The following AMPH variants were observed in gnomAD, a reference collection of about 807,000 sequenced individuals.
The protein encoded by AMPH is amphiphysin.
In AMPH, 49 loss-of-function variants were observed where a neutral mutation model predicts 99.1. The ratio of observed to expected loss-of-function variants is 0.49; its 90% CI spans 0.39 to 0.63. The LOEUF (loss-of-function observed/expected upper bound fraction) is 0.63, where lower values mean the gene tolerates loss of function less well. AMPH is among the 20% of genes least tolerant of loss of function. The pLI is 0.00. For synonymous variants in AMPH, 314 were observed against 317.3 expected (o/e 0.99, Z 0.11); for missense variants, 759 against 863.4 (o/e 0.88, Z 1.52).
At chr7:38,525,015 G>T (rs2129036204) in intron 2 of AMPH, among the ~76,000 whole-genome samples, 1 of 152,078 alleles carries the variant, frequency 6.6e-6, no homozygotes. Context: ...AAGTGTGTTT[G>T]TTCTGACAGA....
intron 1 of AMPH, among the ~76,000 whole-genome samples, chr7:38,587,853 G>A (rs113722800): frequency 9.9e-5 from 15 of 151,952 alleles, no homozygotes; most frequent in African/African-American, 3.1e-4. Context: ...CTCTATAATC[G>A]TGGGTGATCA....
At chr7:38,433,717 T>C (rs1295974153) in intron 12 of AMPH, among the ~76,000 whole-genome samples, 1 of 20,048 alleles carries the variant, frequency 5.0e-5, no homozygotes, top group East Asian at 2.1e-3. Flanking sequence ...AGAGCGAGAC[T>C]CCGTCTCAAA....
chr7:38,578,121 T>C (rs1792314299), intron 1 of AMPH, among the ~76,000 whole-genome samples: 2 of 152,120 alleles, frequency 1.3e-5, no homozygotes, highest in Non-Finnish European at 2.9e-5. Context: ...CCCCCAAACT[T>C]TTCCAGGAGA....
At chr7:38,400,704 T>A (rs1784817118) in intron 17 of AMPH, among the ~76,000 whole-genome samples, 2 of 152,238 alleles carry the variant, frequency 1.3e-5, no homozygotes, top group Non-Finnish European at 2.9e-5. Flanking sequence ...TGTCATGCAT[T>A]CATACATTCA....
chr7:38,429,749 C>T (rs1333126761), intron 14 of AMPH, 93 bp downstream of exon 14: 5 of 1,421,906 alleles, frequency 3.5e-6, no homozygotes, highest in Middle Eastern at 2.0e-4. Context: ...ACTAGCAATG[C>T]CATGGGGAAA....
At chr7:38,500,521 A>G (rs1221546890) in intron 3 of AMPH, among the ~76,000 whole-genome samples, 1 of 152,172 alleles carries the variant, frequency 6.6e-6, no homozygotes, top group Non-Finnish European at 1.5e-5. Flanking sequence ...ATTCTTCTAG[A>G]TCACATTAAG....
At chr7:38,553,438 C>A (rs748630725) in intron 1 of AMPH, among the ~76,000 whole-genome samples, 14 of 152,220 alleles carry the variant, frequency 9.2e-5, no homozygotes, top group Non-Finnish European at 1.9e-4. Flanking sequence ...TGCAGACAAC[C>A]ATTTTGTAGT....
chr7:38,627,711 T>C (rs1476281201), intron 1 of AMPH, among the ~76,000 whole-genome samples: 2 of 150,730 alleles, frequency 1.3e-5, no homozygotes, highest in African/African-American at 4.9e-5. Flanking sequence ...CTTTTACATA[T>C]ACATATGTAT....
chr7:38,547,784 T>C (rs1791041414), intron 1 of AMPH, among the ~76,000 whole-genome samples: 1 of 152,166 alleles, frequency 6.6e-6, no homozygotes, highest in Admixed American at 6.5e-5. Flanking sequence ...CAACTTGAGG[T>C]GGAGAAGAGG....
At chr7:38,508,416 C>T (rs1789414037) in intron 2 of AMPH, among the ~76,000 whole-genome samples, 1 of 152,150 alleles carries the variant, frequency 6.6e-6, no homozygotes, top group Admixed American at 6.5e-5. Flanking sequence ...CAGTGTAGCA[C>T]TAACTTATGT....
intron 1 of AMPH, among the ~76,000 whole-genome samples, chr7:38,559,798 T>C (rs1418356822): frequency 1.3e-5 from 2 of 152,318 alleles, no homozygotes; most frequent in African/African-American, 4.8e-5. Context: ...GTGCTTTCGA[T>C]AACCTATTCC....
intron 1 of AMPH, among the ~76,000 whole-genome samples, chr7:38,624,195 A>G (rs1309400677): frequency 1.3e-5 from 2 of 152,142 alleles, no homozygotes; most frequent in Non-Finnish European, 2.9e-5. Flanking sequence ...AGTACATACA[A>G]TTCGCAAGAT....
intron 1 of AMPH, among the ~76,000 whole-genome samples, chr7:38,608,636 A>G (rs1354383767): frequency 6.6e-6 from 1 of 152,164 alleles, no homozygotes; most frequent in Non-Finnish European, 1.5e-5. Context: ...GATGCCAATA[A>G]TTGTCACTAC....
intron 12 of AMPH, among the ~76,000 whole-genome samples, chr7:38,433,459 C>T (rs918740277): frequency 9.9e-5 from 15 of 152,114 alleles, no homozygotes; most frequent in Non-Finnish European, 1.0e-4. Flanking sequence ...GGCGCGGTGG[C>T]TCACGCCTGT....
intron 1 of AMPH, among the ~76,000 whole-genome samples, chr7:38,596,319 C>A (rs576186032): frequency 6.6e-6 from 1 of 152,170 alleles, no homozygotes; most frequent in Non-Finnish European, 1.5e-5. Flanking sequence ...CAACAGTGGG[C>A]TTCCTCCAGC....
intron 2 of AMPH, 87 bp downstream of exon 2, chr7:38,534,844 T>TTTACTTTAATC: frequency 8.5e-7 from 1 of 1,173,694 alleles, no homozygotes; most frequent in South Asian, 1.3e-5. Context: ...CTAGTCTTTT[T>TTTACTTTAATC]TTAATCTTAA....
rs1242374571 is a variant in AMPH at position 38,422,599 on chromosome 7, TATCC to T, written c.1216-126_1216-123del. ...CTATCTATCTATCTATCTATCTATC[TATCC>T]ATCTATCTATCGACACTCTATCTAT... On this transcript the variant is annotated intron_variant, in intron 15 of 20. Transcript: ENST00000356264. The T allele has an allele frequency of 2.8e-4, 173 of 614,470 alleles. 1 individual carries two copies. The Admixed American group carries it at 3.3e-3, about 12-fold the overall frequency. The allele number at this position is 614,470 out of a possible 1,614,324, so 38.1% of individuals were successfully genotyped here. A position where few individuals can be genotyped will look rare whatever the true frequency, so the allele number is the denominator to read the frequency against.
chr7:38,560,662 A>G (rs2129048732), intron 1 of AMPH, among the ~76,000 whole-genome samples: 1 of 152,336 alleles, frequency 6.6e-6, no homozygotes, highest in Admixed American at 6.5e-5. Flanking sequence ...AATCCAAGCC[A>G]GTAGCACAAT....
At chr7:38,541,860 AG>A in intron 1 of AMPH, among the ~76,000 whole-genome samples, 1 of 152,352 alleles carries the variant, frequency 6.6e-6, no homozygotes. Context: ...TAGGGAAAAA[AG>A]AAAATTTAGT....
Sources: allele counts gnomAD v4.1 joint callset (sites outside exome capture counted in the v4.1 genomes callset), GRCh38; gene constraint gnomAD v4.1.1; transcripts MANE v1.5; gene names NCBI Gene and HGNC (gene_info 2026-07-23, HGNC 2026-07-21).